SGTA: variants seen among roughly 807,000 people sequenced by gnomAD.
SGTA encodes the protein small glutamine-rich tetratricopeptide repeat-containing protein alpha.
SGTA carries 22 observed loss-of-function variants against 44.3 expected under a neutral mutation model. The observed-to-expected ratio is 0.50, with a 90% CI of 0.36 to 0.71. The LOEUF (loss-of-function observed/expected upper bound fraction) is 0.71, where lower values mean the gene tolerates loss of function less well. Among genes scored for constraint, SGTA ranks in the 30% least tolerant of loss-of-function variants. SGTA has a pLI of 0.00. For synonymous variants in SGTA, 174 were observed against 177.6 expected, an observed-to-expected ratio of 0.98 and a Z score of 0.16; for missense variants, 341 against 435.9, an observed-to-expected ratio of 0.78 and a Z score of 1.94.
intron 1 of SGTA, among the ~76,000 whole-genome samples, chr19:2,771,575 C>CGGGGGGGGGG (rs5741784): frequency 9.2e-6 from 1 of 109,280 alleles, no homozygotes; most frequent in Admixed American, 9.0e-5. Context: ...ACCTCCCCAT[C>CGGGGGGGGGG]GGGGGGGGGG....
chr19:2,774,883 T>C (rs1915409333), intron 1 of SGTA, among the ~76,000 whole-genome samples: 1 of 152,184 alleles, frequency 6.6e-6, no homozygotes, highest in Admixed American at 6.5e-5. Context: ...CGTGCATGTC[T>C]CTCCAGATTC....
chr19:2,771,677 A>G (rs1376766023), intron 1 of SGTA, among the ~76,000 whole-genome samples: 1 of 151,838 alleles, frequency 6.6e-6, no homozygotes, highest in Non-Finnish European at 1.5e-5. Flanking sequence ...CTCCGTGTCC[A>G]GATCAACACA....
rs1431173942 is a variant in SGTA at position 2,763,022 on chromosome 19, A to G, written c.498-378T>C. Among the ~76,000 whole-genome samples the G allele has an allele frequency of 6.6e-6, 1 of 151,340 alleles. No individual in the cohort carries two copies. Among genetic ancestry groups the G allele is most frequent in the Non-Finnish European group, 1.5e-5 (1 of 67,964 alleles). On this transcript the variant is annotated intron_variant, in intron 6 of 11. Transcript: ENST00000221566. The surrounding 1 kb of genome is among the most constrained non-coding windows in gnomAD (Gnocchi z 5.8). ...CCCTCGGAACCTCTGAGCGACAGAC[A>G]TGTCTCCCGTCATCCACAAGCAGCC... is the stretch of plus-strand genomic sequence containing the variant.
chr19:2,774,004 G>A (rs1485282565), intron 1 of SGTA, among the ~76,000 whole-genome samples: 3 of 151,460 alleles, frequency 2.0e-5, no homozygotes, highest in Non-Finnish European at 2.9e-5. Flanking sequence ...GATGGGTGAC[G>A]CGGCCACACG....
intron 11 of SGTA, 66 bp downstream of exon 11, chr19:2,757,271 C>T (rs1914846564): frequency 6.4e-7 from 1 of 1,560,278 alleles, no homozygotes. Flanking sequence ...GCTGCCCTCA[C>T]TGCCAGGCAC....
rs1377941726 is a variant in SGTA, at chr19:2,763,902, G to A, written c.393-145C>T. On this transcript the variant is annotated intron_variant, in intron 5 of 11. Transcript: ENST00000221566. This position sits in a 1 kb window ranked among gnomAD's most constrained non-coding sequence, Gnocchi z 5.8. Reference sequence around the variant, plus strand: ...TCCCCATCTGTAAAATGGGGCTGATGGGGAAAGCTGAGAGGTGTGGCCACT... The same window carrying A: ...TCCCCATCTGTAAAATGGGGCTGATAGGGAAAGCTGAGAGGTGTGGCCACT... 6.3e-6 allele frequency: 4 copies of A among 632,704 alleles called. No homozygotes were observed. The highest frequency in any genetic ancestry group is 4.3e-4 in the Middle Eastern group (1 of 2,316). The allele number at this position is 632,704 out of a possible 1,614,324, so 39.2% of individuals were successfully genotyped here. A position where few individuals can be genotyped will look rare whatever the true frequency, so the allele number is the denominator to read the frequency against.
At position 2,765,003 on chromosome 19, in the gene SGTA, A is replaced by T. The variant is rs1304337875; in HGVS notation, c.392+183T>A. 6.6e-6 allele frequency among the ~76,000 whole-genome samples: 1 copy of T among 152,110 alleles called. No individual in the cohort carries two copies. Among genetic ancestry groups the T allele is most frequent in the Non-Finnish European group, 1.5e-5 (1 of 68,038 alleles). On this transcript the variant is annotated intron_variant, in intron 5 of 11. Coordinates refer to ENST00000221566, the MANE Select transcript of SGTA (RefSeq NM_003021.4). The surrounding 1 kb of genome is among the most constrained non-coding windows in gnomAD (Gnocchi z 5.5). The stretch of plus-strand genomic sequence containing the variant: ...TGGGCGTGCTACCTGATTTTAAATC[A>T]GCATCGACTCTCCCCGACCCCGTTG...
intron 11 of SGTA, among the ~76,000 whole-genome samples, chr19:2,756,791 C>T (rs1398626827): frequency 2.0e-5 from 3 of 152,132 alleles, no homozygotes; most frequent in African/African-American, 7.2e-5. Flanking sequence ...CCCTGGAACC[C>T]ATGGGGGACA....
chr19:2,771,354 T>C (rs1052734875), intron 1 of SGTA, among the ~76,000 whole-genome samples: 10 of 151,656 alleles, frequency 6.6e-5, no homozygotes, highest in African/African-American at 2.4e-4. Flanking sequence ...AACCAGGGAG[T>C]TGGAGGTTGC....
In SGTA at chr19:2,767,663, C is replaced by G; in HGVS notation, c.124G>C (p.Ala42Pro). The G allele has an allele frequency of 6.2e-7, 1 of 1,613,816 alleles. No individual in the cohort carries two copies. Among genetic ancestry groups the G allele is most frequent in the Non-Finnish European group, 8.5e-7 (1 of 1,179,984 alleles). The change falls in exon 3 of 12, where the codon GCG (alanine) becomes CCG (proline). Residue 42 changes from alanine (A) to proline (P), a missense_variant. Coordinates refer to ENST00000221566, the MANE Select transcript of SGTA (RefSeq NM_003021.4). The surrounding 1 kb of genome is among the most constrained non-coding windows in gnomAD (Gnocchi z 7.3). ...CTGTCTTCTACCGTCACCCCAAACGCAGTCTCCAGGCACTGGATGGCGACT... is the reference window on the plus strand; with the variant it reads ...CTGTCTTCTACCGTCACCCCAAACGGAGTCTCCAGGCACTGGATGGCGACT... ...LEVAIQCLETAFGVTVEDSDL... is the reference protein window; with the variant it reads ...LEVAIQCLETPFGVTVEDSDL...
In SGTA at chr19:2,755,515, GA is replaced by G. The variant is rs1434776982; in HGVS notation, c.*424del. ...TCGGAAAGAGGCTTCTCACAGACGG[GA>G]GAGTTCCTGCAGACAGACCACGGGA... On this transcript the variant is annotated 3_prime_UTR_variant, in exon 12 of 12. Transcript: ENST00000221566. The surrounding 1 kb of genome is among the most constrained non-coding windows in gnomAD (Gnocchi z 5.2). 2.0e-6 allele frequency: 2 copies of G among 986,676 alleles called. No homozygotes were observed. The highest frequency in any genetic ancestry group is 2.3e-4 in the East Asian group (2 of 8,832). The allele number at this position is 986,676 out of a possible 1,614,324, so 61.1% of individuals were successfully genotyped here.
chr19:2,760,467 G>A (rs1914953823), intron 8 of SGTA, among the ~76,000 whole-genome samples: 3 of 131,858 alleles, frequency 2.3e-5, no homozygotes, highest in African/African-American at 9.1e-5. Flanking sequence ...GCAGTGAGCT[G>A]AGATCACACC....
At chr19:2,777,681 C>CA (rs1312648903) in intron 1 of SGTA, 2 of 152,164 alleles carry the variant, frequency 1.3e-5, no homozygotes, top group African/African-American at 4.8e-5. Context: ...TAACAGGCGG[C>CA]ATCAGGTCAG....
intron 1 of SGTA, among the ~76,000 whole-genome samples, chr19:2,772,919 G>T (rs1473558909): frequency 1.2e-5 from 1 of 84,108 alleles, no homozygotes; most frequent in Admixed American, 1.1e-4. Context: ...CAGGGACACC[G>T]AGGGCAGAGG....
At position 2,765,364 on chromosome 19, in the gene SGTA, C is replaced by T; in HGVS notation, c.293-79G>A. The T allele has an allele frequency of 9.3e-7, 1 of 1,071,370 alleles. No homozygotes were observed. The highest frequency in any genetic ancestry group is 1.4e-6 in the Non-Finnish European group (1 of 711,882). The allele number at this position is 1,071,370 out of a possible 1,614,324, so 66.4% of individuals were successfully genotyped here. ...GTCAGGGAGAGAGGAAAACACCGGC[C>T]TGGTGTCCACACAGACCCGAGGGGG... On this transcript the variant is annotated intron_variant, in intron 4 of 11. Transcript: ENST00000221566. This position sits in a 1 kb window ranked among gnomAD's most constrained non-coding sequence, Gnocchi z 5.5.
At position 2,761,240 on chromosome 19, in the gene SGTA, TC is replaced by T. The variant is rs1440907753; in HGVS notation, c.699+219del. On this transcript the variant is annotated intron_variant, in intron 8 of 11. Transcript: ENST00000221566. This position sits in a 1 kb window ranked among gnomAD's most constrained non-coding sequence, Gnocchi z 5.7. ...TCAACATTGGGGACACTTTTGATTG[TC>T]GAAGCAGAGGGTGGGGGTGCTCCTG... Among the ~76,000 whole-genome samples, 1 of 152,006 alleles carries T rather than the reference TC, an allele frequency of 6.6e-6. No individual in the cohort carries two copies. Among genetic ancestry groups the T allele is most frequent in the African/African-American group, 2.4e-5 (1 of 41,368 alleles).
intron 1 of SGTA, among the ~76,000 whole-genome samples, chr19:2,776,991 A>G (rs1280082067): frequency 6.7e-6 from 1 of 150,146 alleles, no homozygotes; most frequent in Non-Finnish European, 1.5e-5. Context: ...GGTCGGGCAC[A>G]GTGGCTCATG....
chr19:2,760,659 G>A (rs1025738970), intron 8 of SGTA, among the ~76,000 whole-genome samples: 5 of 152,118 alleles, frequency 3.3e-5, no homozygotes, highest in African/African-American at 1.2e-4. Context: ...AAAGACTGGG[G>A]CCCAGTCACC....
At chr19:2,768,253 C>T (rs1037555474) in intron 2 of SGTA, among the ~76,000 whole-genome samples, 3 of 152,272 alleles carry the variant, frequency 2.0e-5, no homozygotes, top group African/African-American at 4.8e-5. Flanking sequence ...TAGCCCTGGC[C>T]GCCTCCTCGT....
Sources: gnomAD v4.1 joint callset for allele counts (sites outside exome capture counted in the v4.1 genomes callset) on GRCh38, gnomAD v4.1.1 for gene constraint, Gnocchi (gnomAD v3.1) non-coding constraint, MANE v1.5 for transcripts, NCBI Gene and HGNC (gene_info 2026-07-23, HGNC 2026-07-21) for gene names.